The following CSGALNACT1 variants were observed in gnomAD, a reference collection of about 807,000 sequenced individuals.
CSGALNACT1 encodes beta4GalNAcT-1.
Under a neutral mutation model 51.0 loss-of-function variants are expected in CSGALNACT1, and 52 were observed. The ratio of observed to expected loss-of-function variants is 1.02; its 90% CI spans 0.82 to 1.29. The LOEUF is 1.29. Among genes scored for constraint, CSGALNACT1 ranks in the 50% most tolerant of loss-of-function variants. CSGALNACT1 has a pLI of 0.00. For missense variants in CSGALNACT1, 935 were observed against 679.2 expected (o/e 1.38, Z -4.19); for synonymous variants, 341 against 254.4 (o/e 1.34, Z -3.24).
chr8:19,685,216 T>C (rs2060903304), upstream of CSGALNACT1, among the ~76,000 whole-genome samples: 1 of 152,208 alleles, frequency 6.6e-6, no homozygotes, highest in African/African-American at 2.4e-5. Context: ...GTTGGCAAGA[T>C]AATGGGAGTT....
Position 19,613,880 on chromosome 8 carries a change from T to C in CSGALNACT1, c.-543-12015A>G, listed in dbSNP as rs542375217. ...TGATTTTATTTGGGGAGAACACTTG[T>C]ATACCAGTGTCCATCCAGTGGTTGA... On this transcript the variant is annotated intron_variant, in intron 1 of 9. Coordinates refer to the CSGALNACT1 transcript ENST00000332246. Among the ~76,000 whole-genome samples, 5 of 152,332 alleles carry C rather than the reference T, an allele frequency of 3.3e-5. No homozygotes were observed. In the East Asian group the frequency reaches 9.6e-4, roughly 29 times the overall value.
At chr8:19,645,158 G>T (rs559789203) in intron 1 of CSGALNACT1, among the ~76,000 whole-genome samples, 1 of 152,324 alleles carries the variant, frequency 6.6e-6, no homozygotes, top group South Asian at 2.1e-4. Context: ...AAGGCAGGAG[G>T]CCGGGCAACA....
intron 1 of CSGALNACT1, among the ~76,000 whole-genome samples, chr8:19,649,819 C>CA (rs57549612): frequency 0.013 from 380 of 29,400 alleles, 39 homozygotes; most frequent in African/African-American, 0.032. Context: ...TTCCAAGTAG[C>CA]AAAAAAAAAA....
chr8:19,524,257 G>A (rs2081255438), intron 3 of CSGALNACT1, among the ~76,000 whole-genome samples: 1 of 152,130 alleles, frequency 6.6e-6, no homozygotes, highest in Non-Finnish European at 1.5e-5. Flanking sequence ...TCTCACCCCA[G>A]CCTGGGCAAC....
At chr8:19,532,335 C>T (rs2082934187) in intron 3 of CSGALNACT1, among the ~76,000 whole-genome samples, 1 of 152,112 alleles carries the variant, frequency 6.6e-6, no homozygotes. Context: ...TGCAAAGCTG[C>T]AGGGCAGTGA....
At chr8:19,721,438 C>T (rs1463067358) in intron 1 of CSGALNACT1, among the ~76,000 whole-genome samples, 1 of 152,208 alleles carries the variant, frequency 6.6e-6, no homozygotes, top group Non-Finnish European at 1.5e-5. Context: ...GACAACAACA[C>T]ATGAGACACG....
chr8:19,649,411 C>CA (rs2154182545), intron 1 of CSGALNACT1, among the ~76,000 whole-genome samples: 1 of 152,012 alleles, frequency 6.6e-6, no homozygotes, highest in Non-Finnish European at 1.5e-5. Flanking sequence ...GTGATCTGTG[C>CA]AAAAAATAAT....
Position 19,505,690 on chromosome 8 carries a change from T to C in CSGALNACT1, c.145A>G (p.Asn49Asp), listed in dbSNP as rs763428730. ...TACCCCTCCTTCCCCGTGGGGCTGT[T>C]GGCCCTGGGCAGTGCCAGCTGCTCC... Residue 49 changes from asparagine (N) to aspartate (D), a missense_variant, in exon 4 of 10, where the codon AAC (asparagine) becomes GAC (aspartate). Coordinates refer to ENST00000454498, the Ensembl canonical transcript of CSGALNACT1. 3.2e-5 allele frequency: 51 copies of C among 1,614,030 alleles called. No individual in the cohort carries two copies. The highest frequency in any genetic ancestry group is 4.0e-5 in the Non-Finnish European group (47 of 1,180,032).
At chr8:19,503,569 AT>A (rs928450362) in intron 4 of CSGALNACT1, among the ~76,000 whole-genome samples, 30 of 147,410 alleles carry the variant, frequency 2.0e-4, no homozygotes, top group Admixed American at 3.4e-4. Context: ...GACAACCAGG[AT>A]TTTTTTTTTT....
At chr8:19,418,048 C>T (rs144069167) in intron 8 of CSGALNACT1, among the ~76,000 whole-genome samples, 20 of 152,290 alleles carry the variant, frequency 1.3e-4, no homozygotes, top group African/African-American at 4.6e-4. Flanking sequence ...AGGATCTTAG[C>T]AGAGAAGTCC....
At chr8:19,428,585 C>T (rs1044190383) in intron 6 of CSGALNACT1, among the ~76,000 whole-genome samples, 9 of 152,140 alleles carry the variant, frequency 5.9e-5, no homozygotes, top group African/African-American at 2.2e-4. Context: ...ACAGCCAAAC[C>T]ATATCAGAGA....
At chr8:19,673,704 G>GT (rs1351053932) in intron 1 of CSGALNACT1, among the ~76,000 whole-genome samples, 3 of 152,250 alleles carry the variant, frequency 2.0e-5, no homozygotes, top group Admixed American at 1.3e-4. Flanking sequence ...CCAAAGGTGG[G>GT]TGTGTGGATG....
intron 6 of CSGALNACT1, among the ~76,000 whole-genome samples, chr8:19,431,453 A>C (rs2059636760): frequency 6.6e-6 from 1 of 152,052 alleles, no homozygotes; most frequent in African/African-American, 2.4e-5. Context: ...GTCTATTAAT[A>C]TGGCATATTT....
chr8:19,607,318 A>C (rs2051532221), upstream of CSGALNACT1, among the ~76,000 whole-genome samples: 1 of 152,170 alleles, frequency 6.6e-6, no homozygotes, highest in South Asian at 2.1e-4. Context: ...CTATTATAGC[A>C]TAAAAAAGCA....
At position 19,569,825 on chromosome 8, in the gene CSGALNACT1, T is replaced by C. The variant is rs114972831; in HGVS notation, c.-297+21335A>G. Among the ~76,000 whole-genome samples the C allele has an allele frequency of 6.5e-3, 986 of 152,294 alleles. 6 individuals are homozygous for C. Among genetic ancestry groups the C allele is most frequent in the African/African-American group, 0.022 (916 of 41,552 alleles). On this transcript the variant is annotated intron_variant, in intron 3 of 9. Coordinates refer to ENST00000454498, the Ensembl canonical transcript of CSGALNACT1. The stretch of plus-strand genomic sequence containing the variant: ...GATAAACTAAATTATCCATCAACAG[T>C]AGAATGGATAAATTATACTATATTC...
At chr8:19,500,196 C>A (rs1170879167) in intron 4 of CSGALNACT1, among the ~76,000 whole-genome samples, 1 of 152,098 alleles carries the variant, frequency 6.6e-6, no homozygotes, top group African/African-American at 2.4e-5. Flanking sequence ...AGTGGGGTGA[C>A]AGTAGTCAGA....
chr8:19,440,660 G>A (rs565682464), intron 5 of CSGALNACT1, among the ~76,000 whole-genome samples: 219 of 152,184 alleles, frequency 1.4e-3, no homozygotes, highest in African/African-American at 5.1e-3. Context: ...ACTGGCACAA[G>A]ACAGGGATGC....
chr8:19,483,084 C>T (rs2153930073), intron 4 of CSGALNACT1, among the ~76,000 whole-genome samples: 1 of 152,306 alleles, frequency 6.6e-6, no homozygotes, highest in African/African-American at 2.4e-5. Context: ...GTTCTGATCC[C>T]TCAGGGTCTC....
intron 1 of CSGALNACT1, among the ~76,000 whole-genome samples, chr8:19,724,564 T>C (rs1285419294): frequency 1.3e-5 from 2 of 152,186 alleles, no homozygotes; most frequent in African/African-American, 2.4e-5. Context: ...ATCCCTCCCT[T>C]CATCACATCA....
Sources: allele counts gnomAD v4.1 joint callset (sites outside exome capture counted in the v4.1 genomes callset), GRCh38; gene constraint gnomAD v4.1.1; transcripts MANE v1.5; gene names NCBI Gene and HGNC (gene_info 2026-07-23, HGNC 2026-07-21).